CASD1: variants seen among roughly 807,000 people sequenced by gnomAD.
CASD1 encodes the protein N-acetylneuraminate (7)9-O-acetyltransferase.
Under a neutral mutation model 100.0 loss-of-function variants are expected in CASD1, and 41 were observed. That is an observed-to-expected ratio of 0.41 (90% CI 0.32 to 0.53). The LOEUF is 0.53. Ranked by LOEUF, CASD1 falls within the 20% of genes least tolerant of loss-of-function variation. CASD1 has a pLI of 0.25. For missense variants in CASD1, 774 were observed against 948.7 expected (o/e 0.82, Z 2.42); for synonymous variants, 321 against 315.6 (o/e 1.02, Z -0.18).
the CASD1 span, chr7:94,598,518 A>C: frequency 2.2e-6 from 1 of 449,150 alleles, no homozygotes; most frequent in South Asian, 2.6e-5. Context: ...TGTTGAGTTT[A>C]ATATCAGTGT....
the CASD1 span, among the ~76,000 whole-genome samples, chr7:94,632,103 C>T: frequency 6.6e-6 from 1 of 151,960 alleles, no homozygotes; most frequent in Admixed American, 6.6e-5. Context: ...AGAGGGATAG[C>T]ATTCTGTAGA....
At chr7:94,592,742 C>A in the CASD1 span, among the ~76,000 whole-genome samples, 2 of 151,990 alleles carry the variant, frequency 1.3e-5, no homozygotes, top group African/African-American at 4.8e-5. Flanking sequence ...ATACCCTATA[C>A]CGTAATTCTG....
chr7:94,509,939 C>G lies in CASD1; in HGVS notation c.-146C>G. 1 of 1,179,722 alleles carries G rather than the reference C, an allele frequency of 8.5e-7. No individual in the cohort carries two copies. The highest frequency in any genetic ancestry group is 1.1e-6 in the Non-Finnish European group (1 of 947,752). The allele number at this position is 1,179,722 out of a possible 1,614,324, so 73.1% of individuals were successfully genotyped here. On this transcript the variant is annotated 5_prime_UTR_variant, in exon 1 of 18. Transcript: ENST00000297273. ...GTCGGGGGCGCCGCGGCCGCGGGGT[C>G]AGGTTCCCCGGCGGGAGGCGCAGGT...
intron 3 of CASD1, among the ~76,000 whole-genome samples, chr7:94,525,684 G>A (rs1199449971): frequency 2.6e-5 from 4 of 152,168 alleles, no homozygotes; most frequent in Admixed American, 2.6e-4. Flanking sequence ...GTGTGATTTT[G>A]TTTGACCCAG....
chr7:94,617,176 A>C, the CASD1 span: 1 of 152,312 alleles, frequency 6.6e-6, no homozygotes, highest in South Asian at 2.1e-4. Flanking sequence ...CCAGGAACCT[A>C]TCTATATTTT....
chr7:94,599,743 T>C, the CASD1 span: 2 of 1,524,208 alleles, frequency 1.3e-6, no homozygotes, highest in East Asian at 4.5e-5. Flanking sequence ...AAACAAAATT[T>C]ATGAATTAAA....
chr7:94,582,037 G>A, the CASD1 span, among the ~76,000 whole-genome samples: 1 of 152,012 alleles, frequency 6.6e-6, no homozygotes, highest in Non-Finnish European at 1.5e-5. Context: ...GCCAGCATCT[G>A]TTATTTTTTG....
At chr7:94,514,465 ATAAT>A (rs1793874515) in intron 1 of CASD1, among the ~76,000 whole-genome samples, 1 of 152,180 alleles carries the variant, frequency 6.6e-6, no homozygotes, top group Non-Finnish European at 1.5e-5. Context: ...TTTTAGCAGG[ATAAT>A]TCGGTCTAAA....
chr7:94,607,344 C>T, the CASD1 span, among the ~76,000 whole-genome samples: 1 of 152,088 alleles, frequency 6.6e-6, no homozygotes, highest in African/African-American at 2.4e-5. Flanking sequence ...AACAACATTA[C>T]ATGAAAAGAA....
the CASD1 span, among the ~76,000 whole-genome samples, chr7:94,563,852 G>A: frequency 6.6e-6 from 1 of 152,032 alleles, no homozygotes; most frequent in African/African-American, 2.4e-5. Flanking sequence ...TTATTTTGAT[G>A]GACATGTCTT....
chr7:94,602,084 A>T, the CASD1 span, among the ~76,000 whole-genome samples: 11 of 152,280 alleles, frequency 7.2e-5, no homozygotes, highest in Middle Eastern at 0.01. Flanking sequence ...AGTCCTAAAC[A>T]TAAACTCATT....
the CASD1 span, chr7:94,623,470 T>A: frequency 1.7e-5 from 16 of 940,182 alleles, no homozygotes; most frequent in East Asian, 3.8e-4. Flanking sequence ...AGGATTAAAA[T>A]GAAAACAAAT....
At chr7:94,598,197 G>A in the CASD1 span, 124,304 of 159,914 alleles carry the variant, frequency 0.78, 49,114 homozygotes, top group African/African-American at 0.92. Context: ...CCTCACCCTT[G>A]TCTACTCCTT....
Position 94,551,349 on chromosome 7 carries a change from C to T in CASD1, c.1827C>T (p.His609=), listed in dbSNP as rs549396821. The T allele has an allele frequency of 1.1e-5, 17 of 1,536,854 alleles. No homozygotes were observed. Among genetic ancestry groups the T allele is most frequent in the African/African-American group, 5.7e-5 (4 of 69,650 alleles). ...RWRLDRYVVF[H]GMLFAFIYLA... ...TCTTTACTTTTCAGGTAGTTTTCCA[C>T]GGAATGCTGTTTGCTTTTATTTATC... The change falls in exon 15 of 18, where the codon CAC becomes CAT. Residue 609 remains histidine, a synonymous_variant. Transcript: ENST00000297273.
chr7:94,572,585 C>G, the CASD1 span, among the ~76,000 whole-genome samples: 1 of 151,848 alleles, frequency 6.6e-6, no homozygotes, highest in East Asian at 1.9e-4. Context: ...GTTTGTTTTT[C>G]TCTTGTAAAT....
the CASD1 span, among the ~76,000 whole-genome samples, chr7:94,614,914 T>G: frequency 6.6e-6 from 1 of 152,186 alleles, no homozygotes; most frequent in Non-Finnish European, 1.5e-5. Flanking sequence ...ATTAAACATA[T>G]AGTTGCATTG....
At chr7:94,608,135 G>C in the CASD1 span, among the ~76,000 whole-genome samples, 4 of 152,176 alleles carry the variant, frequency 2.6e-5, no homozygotes, top group Non-Finnish European at 5.9e-5. Context: ...CCTGAGGTCA[G>C]AAGTTTGAGA....
the CASD1 span, among the ~76,000 whole-genome samples, chr7:94,577,182 G>GATT: frequency 6.6e-5 from 10 of 152,084 alleles, no homozygotes; most frequent in African/African-American, 2.2e-4. Flanking sequence ...TATTTCCTAT[G>GATT]TATGGACCAT....
At chr7:94,574,667 T>G in the CASD1 span, among the ~76,000 whole-genome samples, 1 of 149,854 alleles carries the variant, frequency 6.7e-6, no homozygotes, top group African/African-American at 2.5e-5. Context: ...ATGATTTTTT[T>G]CAAAAAAAAA....
Sources: allele counts gnomAD v4.1 joint callset (sites outside exome capture counted in the v4.1 genomes callset), GRCh38; gene constraint gnomAD v4.1.1; transcripts MANE v1.5; gene names NCBI Gene and HGNC (gene_info 2026-07-23, HGNC 2026-07-21).